SMC6: variants seen among roughly 807,000 people sequenced by gnomAD.
SMC6 encodes structural maintenance of chromosomes 6.
Under a neutral mutation model 142.2 loss-of-function variants are expected in SMC6, and 79 were observed. The observed-to-expected ratio is 0.56, with a 90% CI of 0.46 to 0.67. The LOEUF (loss-of-function observed/expected upper bound fraction) is 0.67, where lower values mean the gene tolerates loss of function less well. Among genes scored for constraint, SMC6 ranks in the 30% least tolerant of loss-of-function variants. SMC6 has a pLI of 0.00. For missense variants in SMC6, 1,072 were observed against 1,284.0 expected (o/e 0.83, Z 2.52); for synonymous variants, 411 against 412.4 (o/e 1.00, Z 0.04).
chr2:17,720,810 C>T, intron 11 of SMC6, 130 bp downstream of exon 11: 2 of 764,356 alleles, frequency 2.6e-6, no homozygotes, highest in Non-Finnish European at 4.1e-6. Flanking sequence ...TCTATTTCAC[C>T]TAAGCAATCA....
At chr2:17,706,761 A>T (rs1668530495) in intron 18 of SMC6, among the ~76,000 whole-genome samples, 1 of 152,104 alleles carries the variant, frequency 6.6e-6, no homozygotes, top group South Asian at 2.1e-4. Flanking sequence ...TTTCCTAGGC[A>T]TGTGTTCTAA....
At position 17,701,835 on chromosome 2, in the gene SMC6, T is replaced by C; in HGVS notation, c.2217A>G (p.Ala739=). The change falls in exon 20 of 28, where the codon GCA becomes GCG. Residue 739 remains alanine (A), a synonymous_variant. Coordinates refer to ENST00000448223, the MANE Select transcript of SMC6 (RefSeq NM_001142286.2). The part of the protein sequence containing the change: ...NIEEHQSVDI[A]TLEDEAQENK... ...TTGAAAAAAAGTATTTTACCAAAGT[T>C]GCAATATCTACAGACTGGTGTTCTT... is the stretch of plus-strand genomic sequence containing the variant. The C allele has an allele frequency of 6.4e-7, 1 of 1,556,814 alleles. No homozygotes were observed. The highest frequency in any genetic ancestry group is 2.3e-5 in the East Asian group (1 of 43,950).
intron 1 of SMC6, 25 bp from the exon 2 acceptor site, chr2:17,753,089 TG>T: frequency 1.1e-6 from 1 of 878,386 alleles, no homozygotes. Context: ...GGCAGAGAAA[TG>T]CCATCAGTAA....
rs1477739363 is a variant in SMC6 at position 17,664,578 on chromosome 2, A to G, written c.*921T>C. ...ATAAAATTCATGTTTTCTAAAATAA[A>G]AAGTTCATAAATATCATTTTTTACA... On this transcript the variant is annotated 3_prime_UTR_variant, in exon 28 of 28. Transcript: ENST00000448223. 5 of 152,376 alleles carry G rather than the reference A, an allele frequency of 3.3e-5. No homozygotes were observed. In the South Asian group the frequency reaches 8.3e-4, roughly 25 times the overall value. The allele number at this position is 152,376 out of a possible 1,614,324, so 9.4% of individuals were successfully genotyped here.
At chr2:17,732,589 C>G (rs1469349062) in intron 5 of SMC6, among the ~76,000 whole-genome samples, 4 of 151,900 alleles carry the variant, frequency 2.6e-5, no homozygotes, top group African/African-American at 9.7e-5. Context: ...ATCCCAGCTA[C>G]TCGGGAGGCT....
intron 3 of SMC6, 38 bp from the exon 4 acceptor site, chr2:17,741,767 A>G: frequency 7.3e-7 from 1 of 1,364,690 alleles, no homozygotes; most frequent in Non-Finnish European, 1.0e-6. Context: ...TGGTCAATCT[A>G]ATTCACTCAT....
intron 16 of SMC6, among the ~76,000 whole-genome samples, chr2:17,711,227 T>G (rs981468947): frequency 6.6e-6 from 1 of 152,200 alleles, no homozygotes; most frequent in African/African-American, 2.4e-5. Flanking sequence ...CTTTTGCTAT[T>G]CGTCCCTGGG....
At chr2:17,733,362 A>G (rs1471927742) in intron 5 of SMC6, among the ~76,000 whole-genome samples, 2 of 152,224 alleles carry the variant, frequency 1.3e-5, no homozygotes, top group African/African-American at 4.8e-5. Flanking sequence ...AAATATAGAA[A>G]TTTTTTACCA....
rs558891168 is a variant in SMC6, at chr2:17,750,436, C to T, written c.-6+2542G>A. ...CAACATCTTTATGAGATAAATATTG[C>T]CCTTATTTTTACAAAAGGAGAGACT... On this transcript the variant is annotated intron_variant, in intron 2 of 27. Transcript: ENST00000448223. 6.8e-4 allele frequency among the ~76,000 whole-genome samples: 104 copies of T among 152,204 alleles called. 1 individual carries two copies. Among genetic ancestry groups the T allele is most frequent in the African/African-American group, 2.4e-3 (101 of 41,544 alleles).
chr2:17,730,398 G>GA (rs199786807), intron 7 of SMC6, among the ~76,000 whole-genome samples: 20,047 of 107,708 alleles, frequency 0.19, 1,674 homozygotes, highest in African/African-American at 0.3. Flanking sequence ...CACTCATCCA[G>GA]AAAAAAAAAA....
intron 26 of SMC6, 94 bp downstream of exon 26, chr2:17,670,329 T>TA: frequency 8.6e-6 from 11 of 1,281,146 alleles, no homozygotes; most frequent in African/African-American, 7.6e-5. Flanking sequence ...TCTTTCCTGT[T>TA]AGGGGTAAAA....
chr2:17,716,582 G>A (rs1001100538), intron 14 of SMC6, among the ~76,000 whole-genome samples, 159 bp downstream of exon 14: 1 of 152,126 alleles, frequency 6.6e-6, no homozygotes, highest in South Asian at 2.1e-4. Context: ...CAATGAGTTA[G>A]CCCTGCTCTG....
Position 17,723,117 on chromosome 2 carries a change from C to T in SMC6, c.727-1856G>A, listed in dbSNP as rs188057701. On this transcript the variant is annotated intron_variant, in intron 9 of 27. Coordinates refer to ENST00000448223, the MANE Select transcript of SMC6 (RefSeq NM_001142286.2). Reference sequence around the variant, plus strand: ...GTAATTAATCTGGAGGTCATTCAGTCACCTTTGATGCCTCTGTCTTAACTT... The same window carrying T: ...GTAATTAATCTGGAGGTCATTCAGTTACCTTTGATGCCTCTGTCTTAACTT... Among the ~76,000 whole-genome samples the T allele has an allele frequency of 7.1e-3, 1,084 of 152,132 alleles. 9 individuals carry two copies. Among genetic ancestry groups the T allele is most frequent in the African/African-American group, 0.025 (1,019 of 41,522 alleles).
chr2:17,702,556 A>C (rs1261945317), intron 19 of SMC6, among the ~76,000 whole-genome samples: 1 of 152,098 alleles, frequency 6.6e-6, no homozygotes, highest in Non-Finnish European at 1.5e-5. Flanking sequence ...CTGTTAACTA[A>C]GTTTATTACT....
intron 9 of SMC6, among the ~76,000 whole-genome samples, chr2:17,724,983 T>C (rs1305907219): frequency 6.6e-6 from 1 of 152,190 alleles, no homozygotes; most frequent in Admixed American, 6.5e-5. Flanking sequence ...AGTCATACTA[T>C]CAGAGGATAA....
intron 25 of SMC6, among the ~76,000 whole-genome samples, chr2:17,676,222 T>G (rs930650107): frequency 6.6e-6 from 1 of 152,188 alleles, no homozygotes; most frequent in African/African-American, 2.4e-5. Flanking sequence ...TGGATTCCAA[T>G]TCTATGTTGA....
chr2:17,729,793 G>A (rs1018845203), intron 7 of SMC6, among the ~76,000 whole-genome samples: 1 of 152,150 alleles, frequency 6.6e-6, no homozygotes, highest in Non-Finnish European at 1.5e-5. Flanking sequence ...TTTGCTACGT[G>A]TGGCTTTTTC....
intron 6 of SMC6, 112 bp downstream of exon 6, chr2:17,731,629 C>T (rs1229452743): frequency 3.7e-6 from 4 of 1,081,508 alleles, no homozygotes; most frequent in South Asian, 3.0e-5. Context: ...TATATATGCA[C>T]ACAACCAATC....
At chr2:17,694,519 T>G (rs959889493) in intron 23 of SMC6, among the ~76,000 whole-genome samples, 1 of 152,204 alleles carries the variant, frequency 6.6e-6, no homozygotes, top group African/African-American at 2.4e-5. Context: ...CACTAAATGC[T>G]TTTCAGAAAG....
Sources: gnomAD v4.1 joint callset for allele counts (sites outside exome capture counted in the v4.1 genomes callset) on GRCh38, gnomAD v4.1.1 for gene constraint, MANE v1.5 for transcripts, NCBI Gene and HGNC (gene_info 2026-07-23, HGNC 2026-07-21) for gene names.